The following ADGRL3 variants were observed in gnomAD, a reference collection of about 807,000 sequenced individuals.
ADGRL3 encodes the protein adhesion G protein-coupled receptor L3, also known as calcium-independent alpha-latrotoxin receptor 3.
Under a neutral mutation model 153.5 loss-of-function variants are expected in ADGRL3, and 62 were observed. The observed-to-expected ratio is 0.40, with a 90% CI of 0.33 to 0.50. The LOEUF (loss-of-function observed/expected upper bound fraction) is 0.50, where lower values mean the gene tolerates loss of function less well. Among genes scored for constraint, ADGRL3 ranks in the 20% least tolerant of loss-of-function variants. The probability of loss-of-function intolerance (pLI) is 0.47; values close to 1 mark genes in which losing one functional copy is unlikely to be tolerated. For synonymous variants in ADGRL3, 710 were observed against 672.5 expected (o/e 1.06, Z -0.86); for missense variants, 1,641 against 1,859.4 (o/e 0.88, Z 2.16).
chr4:61,903,591 A>G (rs895065392), intron 11 of ADGRL3, among the ~76,000 whole-genome samples: 6 of 131,484 alleles, frequency 4.6e-5, no homozygotes, highest in African/African-American at 1.1e-4. Flanking sequence ...GCTTGAGGCC[A>G]GGAGTTCAAG....
chr4:61,804,282 A>G (rs2148474293), intron 8 of ADGRL3, among the ~76,000 whole-genome samples: 1 of 152,246 alleles, frequency 6.6e-6, no homozygotes, highest in South Asian at 2.1e-4. Flanking sequence ...TTGGGGGCAT[A>G]TATTGATCTC....
At chr4:61,326,599 A>ATATG (rs112052760) in intron 1 of ADGRL3, among the ~76,000 whole-genome samples, 3 of 140,646 alleles carry the variant, frequency 2.1e-5, no homozygotes, top group African/African-American at 7.9e-5. Context: ...ATGCCAGATA[A>ATATG]TGTGTGTGTG....
In ADGRL3 at chr4:62,078,196, A is replaced by G. The variant is rs1032343417; in HGVS notation, c.*7288A>G. 6.6e-6 allele frequency: 1 copy of G among 151,952 alleles called. No individual in the cohort carries two copies. 9.4% of individuals were successfully genotyped at this position (151,952 alleles called of 1,614,324 possible). ...ATTTACACATGGCATTATTCTTTTC[A>G]TATACACCTACCAGATTTCAAGCTA... On this transcript the variant is annotated 3_prime_UTR_variant, in exon 27 of 27. Coordinates refer to ENST00000683033, the MANE Select transcript of ADGRL3 (RefSeq NM_001387552.1).
At chr4:61,601,810 A>C (rs930919726) in intron 5 of ADGRL3, among the ~76,000 whole-genome samples, 1 of 152,184 alleles carries the variant, frequency 6.6e-6, no homozygotes, top group Non-Finnish European at 1.5e-5. Context: ...AAATAAATTT[A>C]TATCTTCCTT....
At chr4:62,055,498 A>G (rs1483504429) in intron 25 of ADGRL3, among the ~76,000 whole-genome samples, 1 of 151,842 alleles carries the variant, frequency 6.6e-6, no homozygotes. Context: ...TCAGCTCTTC[A>G]ATTTATGACT....
At chr4:61,766,136 T>C (rs1041422358) in intron 8 of ADGRL3, among the ~76,000 whole-genome samples, 3 of 151,788 alleles carry the variant, frequency 2.0e-5, no homozygotes, top group African/African-American at 7.3e-5. Context: ...GATACAGTCA[T>C]GGGGGTCAGG....
intron 2 of ADGRL3, among the ~76,000 whole-genome samples, chr4:61,412,568 T>C (rs2097100621): frequency 6.6e-6 from 1 of 152,228 alleles, no homozygotes; most frequent in Non-Finnish European, 1.5e-5. Flanking sequence ...CTACCACAAC[T>C]GGAATGGTAA....
At chr4:61,466,762 G>T (rs556574729) in intron 2 of ADGRL3, among the ~76,000 whole-genome samples, 5 of 152,142 alleles carry the variant, frequency 3.3e-5, no homozygotes, top group African/African-American at 4.8e-5. Flanking sequence ...AAATTCTATT[G>T]TATATCAATT....
intron 5 of ADGRL3, among the ~76,000 whole-genome samples, chr4:61,618,969 G>T (rs558626292): frequency 1.3e-5 from 2 of 152,188 alleles, no homozygotes; most frequent in South Asian, 4.1e-4. Flanking sequence ...TGCCCTCCTT[G>T]GGCCTCCCAA....
chr4:61,513,820 G>A (rs1469738711), intron 3 of ADGRL3, among the ~76,000 whole-genome samples: 1 of 152,072 alleles, frequency 6.6e-6, no homozygotes, highest in Non-Finnish European at 1.5e-5. Context: ...CTCTGAAGAT[G>A]GATAGAAAGA....
At chr4:61,215,382 C>T (rs1408772658) in intron 1 of ADGRL3, among the ~76,000 whole-genome samples, 1 of 152,004 alleles carries the variant, frequency 6.6e-6, no homozygotes. Context: ...TTGAAAATTG[C>T]TCTGTACATG....
At chr4:61,253,926 A>C (rs1439787935) in intron 1 of ADGRL3, among the ~76,000 whole-genome samples, 1 of 152,144 alleles carries the variant, frequency 6.6e-6, no homozygotes, top group African/African-American at 2.4e-5. Flanking sequence ...AATCCCTATG[A>C]TTCTGTGAAC....
chr4:61,728,469 T>A (rs4312783), intron 6 of ADGRL3, among the ~76,000 whole-genome samples: 107,788 of 151,938 alleles, frequency 0.71, 39,266 homozygotes, highest in East Asian at 0.93. Context: ...AACAGATACC[T>A]TTGCCAATAC....
At chr4:61,322,179 T>C (rs1401419290) in intron 1 of ADGRL3, among the ~76,000 whole-genome samples, 2 of 152,044 alleles carry the variant, frequency 1.3e-5, no homozygotes, top group Non-Finnish European at 2.9e-5. Context: ...AACCATCAGA[T>C]CTTGTGAGAC....
intron 1 of ADGRL3, among the ~76,000 whole-genome samples, chr4:61,343,101 C>T (rs1018685808): frequency 6.6e-6 from 1 of 152,144 alleles, no homozygotes; most frequent in African/African-American, 2.4e-5. Flanking sequence ...GAGAAACTGC[C>T]TCCATGATTC....
chr4:61,374,301 T>A (rs181983517), intron 1 of ADGRL3, among the ~76,000 whole-genome samples: 3 of 152,238 alleles, frequency 2.0e-5, no homozygotes, highest in African/African-American at 4.8e-5. Flanking sequence ...TTGTCAATAC[T>A]CTGCTTTTGC....
chr4:61,375,445 TAC>T (rs1463929254), intron 1 of ADGRL3, among the ~76,000 whole-genome samples: 1 of 152,146 alleles, frequency 6.6e-6, no homozygotes, highest in Non-Finnish European at 1.5e-5. Flanking sequence ...CAAGATTTCC[TAC>T]ATCCATAACC....
At chr4:61,369,816 C>T (rs553544429) in intron 1 of ADGRL3, among the ~76,000 whole-genome samples, 17 of 152,208 alleles carry the variant, frequency 1.1e-4, no homozygotes, top group African/African-American at 4.1e-4. Context: ...ACCAGTTCCT[C>T]CTTGTACCTC....
Position 61,951,106 on chromosome 4 carries a change from G to A in ADGRL3, c.2805+2830G>A, listed in dbSNP as rs1581602021. On this transcript the variant is annotated intron_variant, in intron 17 of 26. Transcript: ENST00000683033. ...TTTCCATCTCTTGTGCTTGAATCAG[G>A]ACAATGTGGAAATTTAGATGGGCTT... 2.0e-5 allele frequency among the ~76,000 whole-genome samples: 3 copies of A among 151,990 alleles called. No individual in the cohort carries two copies. In the South Asian group the frequency reaches 6.2e-4, roughly 32 times the overall value.
Sources: gnomAD v4.1 joint callset for allele counts (sites outside exome capture counted in the v4.1 genomes callset) on GRCh38, gnomAD v4.1.1 for gene constraint, MANE v1.5 for transcripts, NCBI Gene and HGNC (gene_info 2026-07-23, HGNC 2026-07-21) for gene names.